Variants in FRMD4B observed in about 807,000 individuals in gnomAD.
FRMD4B encodes FERM domain-containing protein 4B.
A neutral mutation model predicts 141.5 loss-of-function variants in FRMD4B; 74 were observed. That is an observed-to-expected ratio of 0.52 (90% CI 0.43 to 0.63). FRMD4B has a LOEUF of 0.63. Ranked by LOEUF, FRMD4B falls within the 30% of genes least tolerant of loss-of-function variation. FRMD4B has a pLI of 0.00. For synonymous variants in FRMD4B, 506 were observed against 467.9 expected, an observed-to-expected ratio of 1.08 and a Z score of -1.05; for missense variants, 1,366 against 1,253.4, an observed-to-expected ratio of 1.09 and a Z score of -1.36.
chr3:69,260,891 C>G (rs2093522710), intron 5 of FRMD4B, among the ~76,000 whole-genome samples: 1 of 152,176 alleles, frequency 6.6e-6, no homozygotes, highest in Non-Finnish European at 1.5e-5. Flanking sequence ...TGTAAATACA[C>G]CAATCAGCAC....
intron 18 of FRMD4B, among the ~76,000 whole-genome samples, chr3:69,189,222 CAAAAAAAAAAAAAAA>C (rs71115659): frequency 1.0e-4 from 4 of 39,784 alleles, no homozygotes; most frequent in African/African-American, 4.1e-4. Context: ...AACTCCATCT[CAAAAAAAAAAAAAAA>C]AAAAAAAAAG....
At chr3:69,370,403 C>T (rs925544509) in intron 1 of FRMD4B, among the ~76,000 whole-genome samples, 5 of 152,116 alleles carry the variant, frequency 3.3e-5, no homozygotes, top group African/African-American at 9.7e-5. Flanking sequence ...GGGCTGGGCA[C>T]GGGTGGGTAC....
At chr3:69,451,764 T>A (rs1705503417) in intron 1 of FRMD4B, among the ~76,000 whole-genome samples, 1 of 152,094 alleles carries the variant, frequency 6.6e-6, no homozygotes, top group Admixed American at 6.5e-5. Context: ...ATGAAAAAAT[T>A]ATGCCAAGAT....
intron 8 of FRMD4B, among the ~76,000 whole-genome samples, chr3:69,223,774 A>G (rs983979348): frequency 6.6e-6 from 1 of 152,160 alleles, no homozygotes; most frequent in Non-Finnish European, 1.5e-5. Flanking sequence ...GGTTGCAGTG[A>G]GCTGAGTTCA....
chr3:69,428,559 G>A (rs991879048), intron 2 of FRMD4B, among the ~76,000 whole-genome samples: 5 of 151,480 alleles, frequency 3.3e-5, no homozygotes, highest in African/African-American at 9.7e-5. Context: ...TAGATCCTGA[G>A]ACTACTAAGA....
chr3:69,409,906 C>T (rs1480176763), intron 2 of FRMD4B, among the ~76,000 whole-genome samples: 1 of 152,124 alleles, frequency 6.6e-6, no homozygotes, highest in African/African-American at 2.4e-5. Flanking sequence ...AAGTTAGAAC[C>T]CTTCAGGTTC....
intron 1 of FRMD4B, among the ~76,000 whole-genome samples, chr3:69,366,134 C>T (rs72940783): frequency 0.21 from 31,345 of 147,748 alleles, 4,320 homozygotes; most frequent in African/African-American, 0.39. Flanking sequence ...GTGGCACAGG[C>T]TTGTAATCCC....
chr3:69,379,568 A>G (rs1281596198), intron 1 of FRMD4B, among the ~76,000 whole-genome samples: 1 of 152,210 alleles, frequency 6.6e-6, no homozygotes, highest in Non-Finnish European at 1.5e-5. Context: ...ACGAGGTGCC[A>G]CACCCAGCCA....
intron 1 of FRMD4B, among the ~76,000 whole-genome samples, chr3:69,530,037 C>T (rs1700988981): frequency 6.6e-6 from 1 of 152,236 alleles, no homozygotes; most frequent in Admixed American, 6.5e-5. Flanking sequence ...CATGGGCCAA[C>T]ATCTATACCC....
intron 1 of FRMD4B, among the ~76,000 whole-genome samples, chr3:69,531,785 G>A (rs1403709068): frequency 6.6e-6 from 1 of 152,194 alleles, no homozygotes; most frequent in Non-Finnish European, 1.5e-5. Context: ...CTCAGTGCTA[G>A]AAAGTACAAT....
intron 5 of FRMD4B, among the ~76,000 whole-genome samples, chr3:69,261,647 T>G (rs570543519): frequency 6.6e-6 from 1 of 152,318 alleles, no homozygotes; most frequent in African/African-American, 2.4e-5. Context: ...TTTTGTTTTC[T>G]TTGAAAGCAG....
At chr3:69,507,524 G>A (rs1468164800) in intron 1 of FRMD4B, among the ~76,000 whole-genome samples, 1 of 152,078 alleles carries the variant, frequency 6.6e-6, no homozygotes, top group African/African-American at 2.4e-5. Context: ...TACCTACATA[G>A]TATTTTACGG....
intron 1 of FRMD4B, among the ~76,000 whole-genome samples, chr3:69,522,937 A>T (rs965070761): frequency 6.6e-6 from 1 of 152,206 alleles, no homozygotes; most frequent in Non-Finnish European, 1.5e-5. Context: ...GAGATAATCA[A>T]GAGGTTGCAA....
chr3:69,301,141 AAATTT>A (rs1407888020), intron 4 of FRMD4B, among the ~76,000 whole-genome samples: 1 of 152,194 alleles, frequency 6.6e-6, no homozygotes, highest in Non-Finnish European at 1.5e-5. Flanking sequence ...CAAAGAAAAA[AAATTT>A]AATTCATCAA....
At position 69,185,616 on chromosome 3, in the gene FRMD4B, A is replaced by C. The variant is rs113861661; in HGVS notation, c.1919+2154T>G. On this transcript the variant is annotated intron_variant, in intron 19 of 22. Coordinates refer to ENST00000398540, the MANE Select transcript of FRMD4B (RefSeq NM_015123.3). Reference sequence around the variant, plus strand: ...GTTGATGAACCCAAAGAAGTTATTCATGGTCCCTGGCCCTCAGTGTGCTTA... The same window carrying C: ...GTTGATGAACCCAAAGAAGTTATTCCTGGTCCCTGGCCCTCAGTGTGCTTA... Among the ~76,000 whole-genome samples, 329 of 152,316 alleles carry C rather than the reference A, an allele frequency of 2.2e-3. 3 individuals are homozygous for C. Among genetic ancestry groups the C allele is most frequent in the African/African-American group, 7.2e-3 (300 of 41,562 alleles).
intron 1 of FRMD4B, among the ~76,000 whole-genome samples, chr3:69,447,864 C>T (rs2106879592): frequency 6.6e-6 from 1 of 152,230 alleles, no homozygotes; most frequent in Middle Eastern, 3.4e-3. Flanking sequence ...CATGTTATAG[C>T]ACATATTAGT....
At chr3:69,361,662 G>A (rs1703474535) in intron 1 of FRMD4B, among the ~76,000 whole-genome samples, 2 of 152,132 alleles carry the variant, frequency 1.3e-5, no homozygotes, top group South Asian at 4.1e-4. Flanking sequence ...CATTCATGGT[G>A]TTGCATGTAT....
At chr3:69,453,186 T>A (rs1354060251) in intron 1 of FRMD4B, among the ~76,000 whole-genome samples, 17 of 152,192 alleles carry the variant, frequency 1.1e-4, no homozygotes. Flanking sequence ...CTTGAGTAGA[T>A]GGCCATTAAA....
At chr3:69,370,410 G>A (rs557303334) in intron 1 of FRMD4B, among the ~76,000 whole-genome samples, 1 of 152,262 alleles carries the variant, frequency 6.6e-6, no homozygotes, top group Admixed American at 6.5e-5. Flanking sequence ...GCACGGGTGG[G>A]TACTTGCAGC....
Sources: gnomAD v4.1 joint callset for allele counts (sites outside exome capture counted in the v4.1 genomes callset) on GRCh38, gnomAD v4.1.1 for gene constraint, MANE v1.5 for transcripts, NCBI Gene and HGNC (gene_info 2026-07-23, HGNC 2026-07-21) for gene names.